PRKD1: variants seen among roughly 807,000 people sequenced by gnomAD.
The protein encoded by PRKD1 is protein kinase D1.
In PRKD1, 63 loss-of-function variants were observed where a neutral mutation model predicts 95.9. The ratio of observed to expected loss-of-function variants is 0.66; its 90% CI spans 0.54 to 0.81. The LOEUF (loss-of-function observed/expected upper bound fraction) is 0.81. Among genes scored for constraint, PRKD1 ranks in the 30% least tolerant of loss-of-function variants. The probability of loss-of-function intolerance (pLI) is 0.00; values close to 1 mark genes in which losing one functional copy is unlikely to be tolerated. For synonymous variants in PRKD1, 425 were observed against 423.1 expected, an observed-to-expected ratio of 1.00 and a Z score of -0.05; for missense variants, 1,048 against 1,165.3, an observed-to-expected ratio of 0.90 and a Z score of 1.47.
chr14:29,722,036 A>C (rs1885923187), intron 2 of PRKD1, among the ~76,000 whole-genome samples: 1 of 152,062 alleles, frequency 6.6e-6, no homozygotes, highest in African/African-American at 2.4e-5. Context: ...GAAAAAAAAA[A>C]ATCTTGATGT....
At chr14:29,729,711 T>C (rs1335531523) in intron 1 of PRKD1, among the ~76,000 whole-genome samples, 2 of 152,064 alleles carry the variant, frequency 1.3e-5, no homozygotes, top group Non-Finnish European at 2.9e-5. Context: ...TGTTCTTTTC[T>C]TCCTAGATTC....
At chr14:29,853,627 T>C (rs542685852) in intron 1 of PRKD1, among the ~76,000 whole-genome samples, 2 of 152,316 alleles carry the variant, frequency 1.3e-5, no homozygotes, top group African/African-American at 4.8e-5. Context: ...AGTGGTGAAG[T>C]TTCTGACGCT....
At chr14:29,754,218 T>C (rs1887601436) in intron 1 of PRKD1, among the ~76,000 whole-genome samples, 1 of 152,166 alleles carries the variant, frequency 6.6e-6, no homozygotes, top group Admixed American at 6.6e-5. Flanking sequence ...TCTTCCTCTA[T>C]AAATTAGCTT....
intron 4 of PRKD1, among the ~76,000 whole-genome samples, chr14:29,655,734 G>A (rs564958942): frequency 5.9e-5 from 9 of 152,056 alleles, no homozygotes; most frequent in African/African-American, 9.6e-5. Flanking sequence ...AAGGAAATTT[G>A]TGTTTTTTCC....
At chr14:29,776,019 G>A (rs34727566) in intron 1 of PRKD1, among the ~76,000 whole-genome samples, 31,539 of 152,022 alleles carry the variant, frequency 0.21, 3,443 homozygotes, top group South Asian at 0.27. Flanking sequence ...TCCGTTGGTG[G>A]TACCCAGGCA....
chr14:29,923,712 G>C (rs1024932407), intron 1 of PRKD1, among the ~76,000 whole-genome samples: 1 of 147,706 alleles, frequency 6.8e-6, no homozygotes, highest in African/African-American at 2.5e-5. Flanking sequence ...ACATTTAAGA[G>C]TAAAATATCA....
At chr14:29,854,232 T>C (rs1695378230) in intron 1 of PRKD1, among the ~76,000 whole-genome samples, 2 of 151,934 alleles carry the variant, frequency 1.3e-5, no homozygotes, top group African/African-American at 4.8e-5. Context: ...GACAGGAAAA[T>C]GTGGGAAAGT....
At position 29,636,457 on chromosome 14, in the gene PRKD1, C is replaced by A. The variant is rs765409919; in HGVS notation, c.1023G>T (p.Met341Ile). Residue 341 changes from methionine to isoleucine, a missense_variant, in exon 7 of 18, where the codon ATG (methionine) becomes ATT (isoleucine). By Grantham distance (10) the Met-to-Ile change is conservative. This residue lies in a region of PRKD1 where 739 missense variants were observed against 861.9 expected (regional missense o/e 0.86). Coordinates refer to ENST00000331968, the MANE Select transcript of PRKD1 (RefSeq NM_002742.3). The stretch of plus-strand genomic sequence containing the variant: ...TATCATTGTCATCACTCCCTTCTTC[C>A]ATGACCACATCAGACTCTGCCCCAG... ...LSPGAESDVV[M>I]EEGSDDNDSE... 2.5e-6 allele frequency: 4 copies of A among 1,614,108 alleles called. No homozygotes were observed. Among genetic ancestry groups the A allele is most frequent in the Non-Finnish European group, 3.4e-6 (4 of 1,180,018 alleles).
intron 1 of PRKD1, among the ~76,000 whole-genome samples, chr14:29,920,537 T>C (rs1895063227): frequency 6.6e-6 from 1 of 151,926 alleles, no homozygotes; most frequent in Non-Finnish European, 1.5e-5. Flanking sequence ...TTGATCATTA[T>C]ACTAGTTATT....
intron 16 of PRKD1, among the ~76,000 whole-genome samples, chr14:29,587,332 T>C (rs1297699707): frequency 6.6e-6 from 1 of 152,206 alleles, no homozygotes; most frequent in Non-Finnish European, 1.5e-5. Context: ...TAACATCCTG[T>C]ATTTTGAAGT....
intron 1 of PRKD1, among the ~76,000 whole-genome samples, chr14:29,896,365 TACACAC>T (rs71443337): frequency 2.0e-5 from 3 of 147,946 alleles, no homozygotes; most frequent in Non-Finnish European, 4.5e-5. Context: ...CATGTGTGTG[TACACAC>T]ACACACACAC....
At chr14:29,580,525 C>A (rs1380813914) in intron 16 of PRKD1, among the ~76,000 whole-genome samples, 1 of 151,946 alleles carries the variant, frequency 6.6e-6, no homozygotes, top group African/African-American at 2.4e-5. Context: ...AAATAATGAA[C>A]TATTAAATGT....
At chr14:29,672,229 T>G (rs1322294724) in intron 2 of PRKD1, among the ~76,000 whole-genome samples, 1 of 151,718 alleles carries the variant, frequency 6.6e-6, no homozygotes, top group Non-Finnish European at 1.5e-5. Flanking sequence ...TAGTCCCAGC[T>G]ATTTGGGAGG....
At chr14:29,675,215 A>G (rs963753071) in intron 2 of PRKD1, among the ~76,000 whole-genome samples, 2 of 152,220 alleles carry the variant, frequency 1.3e-5, no homozygotes, top group Admixed American at 1.3e-4. Context: ...TCATTAGAAT[A>G]AAAGAAGAGC....
chr14:29,721,925 GA>G (rs891837385), intron 2 of PRKD1, among the ~76,000 whole-genome samples: 44 of 151,466 alleles, frequency 2.9e-4, no homozygotes, highest in African/African-American at 1.1e-3. Flanking sequence ...AACGGAGGGA[GA>G]AAAAAATCAG....
intron 1 of PRKD1, among the ~76,000 whole-genome samples, chr14:29,789,368 T>C (rs1889430473): frequency 6.6e-6 from 1 of 152,240 alleles, no homozygotes; most frequent in South Asian, 2.1e-4. Context: ...CATTCACTTC[T>C]TCCAATTTTA....
intron 2 of PRKD1, among the ~76,000 whole-genome samples, chr14:29,709,403 C>A (rs1478004705): frequency 6.6e-6 from 1 of 151,934 alleles, no homozygotes; most frequent in Non-Finnish European, 1.5e-5. Context: ...TTCAAGACAG[C>A]GAGAAGGCAC....
intron 1 of PRKD1, among the ~76,000 whole-genome samples, chr14:29,772,086 G>A (rs1019729455): frequency 1.3e-5 from 2 of 152,186 alleles, no homozygotes; most frequent in South Asian, 2.1e-4. Context: ...GGATGAGACT[G>A]GACTTTTGAC....
intron 1 of PRKD1, among the ~76,000 whole-genome samples, chr14:29,728,256 A>G (rs948990627): frequency 3.3e-5 from 5 of 152,236 alleles, no homozygotes; most frequent in Non-Finnish European, 7.3e-5. Context: ...AAAACAATGG[A>G]TACCTCATGC....
Sources: allele counts gnomAD v4.1 joint callset (sites outside exome capture counted in the v4.1 genomes callset), GRCh38; gene constraint gnomAD v4.1.1; regional missense constraint gnomAD v4.1.1; transcripts MANE v1.5; gene names NCBI Gene and HGNC (gene_info 2026-07-23, HGNC 2026-07-21).